Variants in EIF2AK2 observed in about 807,000 individuals in gnomAD.
The protein encoded by EIF2AK2 is interferon-induced, double-stranded RNA-activated protein kinase.
EIF2AK2 carries 40 observed loss-of-function variants against 70.5 expected under a neutral mutation model. The ratio of observed to expected loss-of-function variants is 0.57; its 90% CI spans 0.44 to 0.74. EIF2AK2 has a LOEUF of 0.74. Ranked by LOEUF, EIF2AK2 falls within the 30% of genes least tolerant of loss-of-function variation. The pLI is 0.00. For missense variants in EIF2AK2, 555 were observed against 644.3 expected (o/e 0.86, Z 1.50); for synonymous variants, 198 against 220.9 (o/e 0.90, Z 0.92).
At chr2:37,121,323 G>C (rs1427996646) in intron 12 of EIF2AK2, among the ~76,000 whole-genome samples, 2 of 147,738 alleles carry the variant, frequency 1.4e-5, no homozygotes, top group African/African-American at 5.0e-5. Context: ...ATTCTTCATT[G>C]CTGAAGATCT....
intron 1 of EIF2AK2, among the ~76,000 whole-genome samples, chr2:37,152,914 C>T (rs568375160): frequency 9.9e-5 from 15 of 152,150 alleles, no homozygotes; most frequent in Non-Finnish European, 1.9e-4. Context: ...GTCTGAAAGC[C>T]ATCAATCTGG....
chr2:37,145,205 C>A (rs559558610), intron 4 of EIF2AK2, among the ~76,000 whole-genome samples: 5 of 146,174 alleles, frequency 3.4e-5, no homozygotes, highest in South Asian at 4.3e-4. Flanking sequence ...TGTAGTGGCA[C>A]GATCTCGGCT....
chr2:37,109,459 C>T (rs1486155551), intron 14 of EIF2AK2, 164 bp from the exon 15 acceptor site: 4 of 571,520 alleles, frequency 7.0e-6, no homozygotes, highest in East Asian at 3.0e-5. Context: ...AAATCTGTAC[C>T]GCCGAATAGC....
In EIF2AK2 at chr2:37,101,278, C is replaced by G. The variant is rs1673820849; in HGVS notation, c.*5995G>C. ...TTTGATAAATATTTATCGCATCTTT[C>G]CCATTCAGATTTAGAGAAAGTTCCT... On this transcript the variant is annotated 3_prime_UTR_variant, in exon 17 of 17. Coordinates refer to ENST00000233057, the MANE Select transcript of EIF2AK2 (RefSeq NM_001135651.3). The G allele has an allele frequency of 6.6e-6, 1 of 152,152 alleles. No homozygotes were observed. Among genetic ancestry groups the G allele is most frequent in the African/African-American group, 2.4e-5 (1 of 41,438 alleles). The allele number at this position is 152,152 out of a possible 1,614,324, so 9.4% of individuals were successfully genotyped here.
intron 9 of EIF2AK2, 25 bp from the exon 10 acceptor site, chr2:37,135,571 A>T: frequency 6.4e-7 from 1 of 1,573,260 alleles, no homozygotes; most frequent in Non-Finnish European, 8.7e-7. Context: ...TTGAATGTAA[A>T]ACTCAAATAA....
intron 1 of EIF2AK2, among the ~76,000 whole-genome samples, chr2:37,153,105 C>G (rs1675801995): frequency 6.7e-6 from 1 of 149,584 alleles, no homozygotes; most frequent in African/African-American, 2.5e-5. Context: ...AATTCCTTCT[C>G]TACCCTGCAA....
Position 37,106,861 on chromosome 2 carries a change from T to C in EIF2AK2, c.*412A>G, listed in dbSNP as rs1673979837. 6.4e-6 allele frequency: 1 copy of C among 155,316 alleles called. No individual in the cohort carries two copies. Among genetic ancestry groups the C allele is most frequent in the African/African-American group, 2.4e-5 (1 of 41,404 alleles). 9.6% of individuals were successfully genotyped at this position (155,316 alleles called of 1,614,324 possible). On this transcript the variant is annotated 3_prime_UTR_variant, in exon 17 of 17. Transcript: ENST00000233057. The stretch of plus-strand genomic sequence containing the variant: ...GAGTTTGAGACCAGCCTGGCCAACA[T>C]GGTGAAACCCTGTCTTTATTAAAAA...
chr2:37,147,111 C>T (rs1675573158), intron 3 of EIF2AK2, 138 bp from the exon 4 acceptor site: 1 of 747,360 alleles, frequency 1.3e-6, no homozygotes, highest in Non-Finnish European at 2.0e-6. Context: ...AAGCAGTCAC[C>T]TCAAACAGTA....
rs1673974125 is a variant in EIF2AK2, at chr2:37,106,654, G to T, written c.*619C>A. The T allele has an allele frequency of 6.6e-6, 1 of 150,916 alleles. No individual in the cohort carries two copies. The highest frequency in any genetic ancestry group is 2.4e-5 in the African/African-American group (1 of 40,950). 9.3% of individuals were successfully genotyped at this position (150,916 alleles called of 1,614,324 possible). ...CAGAGAACGATCTTACATTTTTTTGGCCTAAAAGCGGTAGAAATTTAATAA... is the reference window on the plus strand; with the variant it reads ...CAGAGAACGATCTTACATTTTTTTGTCCTAAAAGCGGTAGAAATTTAATAA... On this transcript the variant is annotated 3_prime_UTR_variant, in exon 17 of 17. Coordinates refer to ENST00000233057, the MANE Select transcript of EIF2AK2 (RefSeq NM_001135651.3).
intron 1 of EIF2AK2, among the ~76,000 whole-genome samples, chr2:37,153,277 A>T (rs1024313424): frequency 5.3e-5 from 8 of 151,766 alleles, no homozygotes; most frequent in African/African-American, 1.9e-4. Flanking sequence ...TTCCAAACAG[A>T]AAGTGTGTAC....
intron 1 of EIF2AK2, among the ~76,000 whole-genome samples, chr2:37,152,495 G>A (rs886269078): frequency 3.3e-5 from 5 of 152,036 alleles, no homozygotes; most frequent in African/African-American, 1.2e-4. Flanking sequence ...TGGCCAGGCT[G>A]GTCTCCAACT....
At chr2:37,111,139 G>A (rs114589771) in intron 14 of EIF2AK2, among the ~76,000 whole-genome samples, 2,590 of 152,290 alleles carry the variant, frequency 0.017, 32 homozygotes, top group South Asian at 0.041. Flanking sequence ...AGTTGATTGG[G>A]CTGTAGGGAG....
chr2:37,130,269 T>C (rs1388478336), intron 10 of EIF2AK2, among the ~76,000 whole-genome samples: 1 of 152,000 alleles, frequency 6.6e-6, no homozygotes, highest in Non-Finnish European at 1.5e-5. Context: ...GCCCAACTAA[T>C]TTTTGTATTT....
In EIF2AK2 at chr2:37,148,978, T is replaced by A; in HGVS notation, c.-138A>T. 3 of 842,142 alleles carry A rather than the reference T, an allele frequency of 3.6e-6. No homozygotes were observed. Among genetic ancestry groups the A allele is most frequent in the South Asian group, 2.6e-5 (2 of 75,682 alleles). The allele number at this position is 842,142 out of a possible 1,614,324, so 52.2% of individuals were successfully genotyped here. Reference sequence around the variant, plus strand: ...AAGAACTGCTAAAGTTTTGAGGTCATTACAATTTACAAATCCAGGAAGGCA... The same window carrying A: ...AAGAACTGCTAAAGTTTTGAGGTCAATACAATTTACAAATCCAGGAAGGCA... On this transcript the variant is annotated 5_prime_UTR_variant, in exon 2 of 17. An upstream start codon of the reference 5' UTR is lost. Transcript: ENST00000233057.
At chr2:37,145,053 A>C (rs1445360176) in intron 4 of EIF2AK2, among the ~76,000 whole-genome samples, 1 of 152,076 alleles carries the variant, frequency 6.6e-6, no homozygotes, top group Non-Finnish European at 1.5e-5. Flanking sequence ...TAAAATTTTA[A>C]AAATAGAAAA....
At chr2:37,135,603 A>G in intron 9 of EIF2AK2, 57 bp from the exon 10 acceptor site, 1 of 1,466,126 alleles carries the variant, frequency 6.8e-7, no homozygotes, top group Non-Finnish European at 9.4e-7. Flanking sequence ...AATATAACTT[A>G]TTTAGTGTTA....
intron 1 of EIF2AK2, among the ~76,000 whole-genome samples, chr2:37,154,097 C>A (rs868476726): frequency 1.3e-5 from 2 of 152,180 alleles, no homozygotes; most frequent in Middle Eastern, 6.8e-3. Context: ...GAGGCCAAGG[C>A]GGGCAGATCA....
chr2:37,120,211 T>C (rs528706019), intron 12 of EIF2AK2, 72 bp from the exon 13 acceptor site: 2 of 1,036,566 alleles, frequency 1.9e-6, no homozygotes, highest in East Asian at 6.8e-5. Flanking sequence ...TTATAACTTT[T>C]TAAAGTTTTT....
intron 8 of EIF2AK2, 109 bp downstream of exon 8, chr2:37,138,161 A>C (rs889523036): frequency 2.4e-6 from 2 of 831,006 alleles, no homozygotes; most frequent in African/African-American, 1.7e-5. Flanking sequence ...GTAAGAGTGC[A>C]TAAGATAAAA....
Sources: allele counts gnomAD v4.1 joint callset (sites outside exome capture counted in the v4.1 genomes callset), GRCh38; gene constraint gnomAD v4.1.1; transcripts MANE v1.5; gene names NCBI Gene and HGNC (gene_info 2026-07-23, HGNC 2026-07-21).